COP1: variants seen among roughly 807,000 people sequenced by gnomAD.
COP1 encodes COP1 E3 ubiquitin ligase.
Under a neutral mutation model 101.3 loss-of-function variants are expected in COP1, and 24 were observed. The ratio of observed to expected loss-of-function variants is 0.24; its 90% confidence interval spans 0.17 to 0.33. The LOEUF (loss-of-function observed/expected upper bound fraction) is 0.33. COP1 is among the 10% of genes least tolerant of loss of function. The pLI is 1.00. For synonymous variants in COP1, 347 were observed against 341.9 expected (o/e 1.01, Z -0.17); for missense variants, 663 against 906.2 (o/e 0.73, Z 3.45).
At chr1:176,011,637 G>GT (rs1553218499) in intron 15 of COP1, among the ~76,000 whole-genome samples, 2 of 152,148 alleles carry the variant, frequency 1.3e-5, no homozygotes, top group Non-Finnish European at 2.9e-5. Context: ...CTTCAAAATA[G>GT]TAACTGTTTT....
intron 11 of COP1, among the ~76,000 whole-genome samples, chr1:176,058,482 A>T (rs1041657971): frequency 2.6e-5 from 4 of 152,160 alleles, no homozygotes; most frequent in Non-Finnish European, 5.9e-5. Flanking sequence ...TCTCTGAAAC[A>T]TGTGCTGTGT....
At chr1:176,135,871 T>C (rs917902057) in intron 7 of COP1, among the ~76,000 whole-genome samples, 6 of 152,102 alleles carry the variant, frequency 3.9e-5, no homozygotes, top group African/African-American at 1.2e-4. Flanking sequence ...CAGAGGATAC[T>C]GAACATCCAC....
At chr1:176,055,442 T>TAAACA (rs1037495902) in intron 11 of COP1, among the ~76,000 whole-genome samples, 3 of 152,048 alleles carry the variant, frequency 2.0e-5, no homozygotes, top group African/African-American at 4.8e-5. Flanking sequence ...TCTCAAAAAA[T>TAAACA]AAACAAAACA....
chr1:176,202,582 C>T (rs1443661579), intron 1 of COP1, among the ~76,000 whole-genome samples: 12 of 151,786 alleles, frequency 7.9e-5, no homozygotes, highest in African/African-American at 2.9e-4. Context: ...TCTCTAATCC[C>T]CGCTGCTTGA....
At chr1:176,136,325 GT>G (rs1176220143) in intron 7 of COP1, among the ~76,000 whole-genome samples, 162 bp downstream of exon 7, 1 of 151,734 alleles carries the variant, frequency 6.6e-6, no homozygotes, top group Non-Finnish European at 1.5e-5. Flanking sequence ...TGTTCAGAAT[GT>G]TTTTTTCTAC....
intron 19 of COP1, among the ~76,000 whole-genome samples, chr1:175,945,414 C>T (rs1263483136): frequency 7.2e-5 from 11 of 152,208 alleles, no homozygotes. Context: ...AGGTAAACTA[C>T]ATAAAACACA....
chr1:176,190,408 G>T (rs568374046), intron 1 of COP1, among the ~76,000 whole-genome samples: 1 of 151,670 alleles, frequency 6.6e-6, no homozygotes, highest in Non-Finnish European at 1.5e-5. Flanking sequence ...TATTAAAATC[G>T]TGTTCTTCAA....
intron 2 of COP1, among the ~76,000 whole-genome samples, chr1:176,178,231 G>C (rs1354062257): frequency 6.6e-6 from 1 of 151,846 alleles, no homozygotes; most frequent in African/African-American, 2.4e-5. Flanking sequence ...TTTACAGTCT[G>C]CTTAGGGAAA....
At chr1:176,173,324 G>GACAAAAAAAAA (rs1696382355) in intron 3 of COP1, among the ~76,000 whole-genome samples, 1 of 93,704 alleles carries the variant, frequency 1.1e-5, no homozygotes, top group Admixed American at 1.3e-4. Context: ...AAAACAAAAT[G>GACAAAAAAAAA]AAAAAAAAAA....
At chr1:176,178,478 G>A (rs1293355510) in intron 2 of COP1, among the ~76,000 whole-genome samples, 5 of 151,890 alleles carry the variant, frequency 3.3e-5, no homozygotes, top group African/African-American at 7.3e-5. Context: ...GGGACACAGC[G>A]AGACTCTGTC....
chr1:176,017,949 C>G (rs1665968421), intron 15 of COP1, among the ~76,000 whole-genome samples: 1 of 152,158 alleles, frequency 6.6e-6, no homozygotes, highest in East Asian at 1.9e-4. Context: ...AGAGAGCAAG[C>G]TAAGTATCCG....
chr1:176,125,637 T>C (rs571549305), intron 8 of COP1, among the ~76,000 whole-genome samples: 3 of 152,318 alleles, frequency 2.0e-5, no homozygotes, highest in Non-Finnish European at 4.4e-5. Context: ...CTATATAGTA[T>C]AATGTAAAAT....
intron 8 of COP1, among the ~76,000 whole-genome samples, 185 bp from the exon 9 acceptor site, chr1:176,116,866 T>C (rs1193335309): frequency 6.6e-6 from 1 of 152,126 alleles, no homozygotes; most frequent in East Asian, 1.9e-4. Context: ...ATTTAAGCAA[T>C]TTACCACTTC....
intron 15 of COP1, among the ~76,000 whole-genome samples, chr1:175,990,911 T>C (rs1406957680): frequency 2.0e-5 from 3 of 152,042 alleles, no homozygotes; most frequent in Admixed American, 6.6e-5. Flanking sequence ...TTCTAATTTT[T>C]TTTTTTTTGT....
chr1:176,163,646 C>T (rs1694677386), intron 4 of COP1, among the ~76,000 whole-genome samples, 169 bp downstream of exon 4: 1 of 152,174 alleles, frequency 6.6e-6, no homozygotes, highest in Non-Finnish European at 1.5e-5. Context: ...TAGTAAAGTA[C>T]TACAGACAAT....
intron 9 of COP1, among the ~76,000 whole-genome samples, chr1:176,116,378 A>G (rs909748427): frequency 6.6e-6 from 1 of 152,192 alleles, no homozygotes; most frequent in African/African-American, 2.4e-5. Flanking sequence ...AAACAAAGCA[A>G]AACACTTTAG....
chr1:176,161,603 T>A (rs2149934192), intron 5 of COP1, among the ~76,000 whole-genome samples: 2 of 147,268 alleles, frequency 1.4e-5, no homozygotes, highest in East Asian at 3.9e-4. Context: ...CTTTGTCCCT[T>A]AAAAAAAAAA....
chr1:176,071,717 CT>C (rs1209934632), intron 11 of COP1, among the ~76,000 whole-genome samples: 1 of 152,150 alleles, frequency 6.6e-6, no homozygotes, highest in Non-Finnish European at 1.5e-5. Context: ...AAAGATCTTC[CT>C]TATATTAACC....
At chr1:176,025,761 A>G (rs929327401) in intron 15 of COP1, among the ~76,000 whole-genome samples, 3 of 152,014 alleles carry the variant, frequency 2.0e-5, no homozygotes, top group African/African-American at 7.2e-5. Flanking sequence ...GTGGTGGTGC[A>G]CGCCTGTAGT....
Sources: allele counts gnomAD v4.1 joint callset (sites outside exome capture counted in the v4.1 genomes callset), GRCh38; gene constraint gnomAD v4.1.1; transcripts MANE v1.5; gene names NCBI Gene and HGNC (gene_info 2026-07-23, HGNC 2026-07-21).